FNIP2: variants seen among roughly 807,000 people sequenced by gnomAD.
FNIP2 encodes folliculin-interacting protein 2.
In FNIP2, 32 loss-of-function variants were observed where a neutral mutation model predicts 108.7. The observed-to-expected ratio is 0.29, with a 90% CI of 0.22 to 0.40. FNIP2 has a LOEUF of 0.40. Among genes scored for constraint, FNIP2 ranks in the 10% least tolerant of loss-of-function variants. FNIP2 has a pLI of 1.00. For synonymous variants in FNIP2, 480 were observed against 496.7 expected, an observed-to-expected ratio of 0.97 and a Z score of 0.45; for missense variants, 1,202 against 1,381.6, an observed-to-expected ratio of 0.87 and a Z score of 2.06.
intron 3 of FNIP2, among the ~76,000 whole-genome samples, chr4:158,830,200 T>C (rs1417036157): frequency 2.0e-5 from 3 of 151,156 alleles, no homozygotes; most frequent in Admixed American, 6.6e-5. Flanking sequence ...GTTTGAGCTA[T>C]AACGAGAGAG....
In FNIP2 at chr4:158,825,938, C is replaced by T. The variant is rs1466937414; in HGVS notation, c.130C>T (p.Leu44=). The T allele has an allele frequency of 1.2e-6, 2 of 1,607,914 alleles. No homozygotes were observed. The highest frequency in any genetic ancestry group is 1.1e-5 in the South Asian group (1 of 91,004). ...AFSWSCSEFD[L]NEIRLIVYQD... is the part of the protein sequence containing the mutation. Reference sequence around the variant, plus strand: ...CAGTTGGTCATGTTCGGAGTTTGACCTGAATGAGATTCGCCTGATAGTTTA... The same window carrying T: ...CAGTTGGTCATGTTCGGAGTTTGACTTGAATGAGATTCGCCTGATAGTTTA... The change falls in exon 2 of 17, where the codon CTG becomes TTG. Residue 44 remains leucine, a synonymous_variant. Transcript: ENST00000264433.
At chr4:158,891,766 C>T in intron 15 of FNIP2, 120 bp downstream of exon 15, 1 of 946,484 alleles carries the variant, frequency 1.1e-6, no homozygotes, top group Non-Finnish European at 1.6e-6. Flanking sequence ...ATTAGCATAA[C>T]TAAAACTAGA....
intron 5 of FNIP2, 46 bp downstream of exon 5, chr4:158,832,184 G>T (rs1309376457): frequency 6.8e-7 from 1 of 1,471,302 alleles, no homozygotes; most frequent in East Asian, 2.3e-5. Context: ...TTTAAAGTGT[G>T]TATTTCTAGA....
chr4:158,832,091 T>C lies in FNIP2; in HGVS notation c.507T>C (p.Ser169=). 6.2e-7 allele frequency: 1 copy of C among 1,613,918 alleles called. No individual in the cohort carries two copies. The highest frequency in any genetic ancestry group is 1.1e-5 in the South Asian group (1 of 91,074). ...YIRSPPQLMI[S]KVFSARMGSF... is the part of the protein sequence containing the mutation. ...GTTCTCCTCCACAACTGATGATTAG[T>C]AAAGTCTTCTCTGCTAGAATGGGCA... The change falls in exon 5 of 17, where the codon AGT becomes AGC. Residue 169 remains serine (S), a synonymous_variant. Coordinates refer to ENST00000264433, the MANE Select transcript of FNIP2 (RefSeq NM_020840.3).
In FNIP2 at chr4:158,870,353, C is replaced by A; in HGVS notation, c.2833C>A (p.Arg945Ser). The change falls in exon 14 of 17, where the codon CGC becomes AGC. Residue 945 changes from arginine (R) to serine (S), a missense_variant. Arg to Ser is a moderately radical substitution (Grantham distance 110, BLOSUM62 -1). Transcript: ENST00000264433. ...CACCCAGAATGTAAGGAACTTTGGC[C>A]GCTCACTTCTGGCGGGCTACTGCCC... ...ISTQNVRNFG[R>S]SLLAGYCPTY... 1 of 1,613,944 alleles carries A rather than the reference C, an allele frequency of 6.2e-7. No homozygotes were observed. Among genetic ancestry groups the A allele is most frequent in the East Asian group, 2.2e-5 (1 of 44,872 alleles).
At position 158,833,644 on chromosome 4, in the gene FNIP2, C is replaced by T. The variant is rs768174981; in HGVS notation, c.655+16C>T. 5.0e-6 allele frequency: 8 copies of T among 1,585,694 alleles called. No individual in the cohort carries two copies. Among genetic ancestry groups the T allele is most frequent in the Non-Finnish European group, 5.2e-6 (6 of 1,154,810 alleles). On this transcript the variant is annotated intron_variant, in intron 6 of 16. Coordinates refer to ENST00000264433, the MANE Select transcript of FNIP2 (RefSeq NM_020840.3). ...AGTAACCTAGGTAAAATCAGAGATA[C>T]AAACAAATTCTTTCTTTCTGAATAC...
At chr4:158,901,128 A>ATTTTTT (rs140017298) in intron 16 of FNIP2, among the ~76,000 whole-genome samples, 13 of 112,292 alleles carry the variant, frequency 1.2e-4, no homozygotes, top group Non-Finnish European at 1.9e-4. Flanking sequence ...CTGGGTTGAA[A>ATTTTTT]TTTTTTTTTT....
intron 1 of FNIP2, among the ~76,000 whole-genome samples, chr4:158,788,831 T>A (rs1776308133): frequency 6.6e-6 from 1 of 152,254 alleles, no homozygotes; most frequent in African/African-American, 2.4e-5. Context: ...CCTGGCACTT[T>A]GTTTTGTTGG....
At chr4:158,903,497 CCTT>C (rs1729539861) in intron 16 of FNIP2, among the ~76,000 whole-genome samples, 1 of 152,184 alleles carries the variant, frequency 6.6e-6, no homozygotes, top group Admixed American at 6.5e-5. Context: ...CATCCTTGAC[CCTT>C]ACAGGTGTGC....
At chr4:158,807,996 G>GAGTGACACTCAAGTTTATCTGAA (rs1207381751) in intron 1 of FNIP2, among the ~76,000 whole-genome samples, 1 of 152,174 alleles carries the variant, frequency 6.6e-6, no homozygotes, top group Non-Finnish European at 1.5e-5. Context: ...GAGAGTAACG[G>GAGTGACACTCAAGTTTATCTGAA]AGTGACACTC....
chr4:158,780,903 C>T (rs1776019866), intron 1 of FNIP2, among the ~76,000 whole-genome samples: 2 of 151,992 alleles, frequency 1.3e-5, no homozygotes, highest in African/African-American at 2.4e-5. Context: ...GGTGTGGTGG[C>T]GTGCACCTGT....
chr4:158,871,848 C>T (rs1415066984), intron 14 of FNIP2: 31 of 985,178 alleles, frequency 3.1e-5, no homozygotes, highest in Non-Finnish European at 3.7e-5. Flanking sequence ...AAGAAAAATG[C>T]CCTCATTGTA....
At chr4:158,847,355 T>C (rs185296272) in intron 7 of FNIP2, among the ~76,000 whole-genome samples, 12 of 152,158 alleles carry the variant, frequency 7.9e-5, no homozygotes, top group Admixed American at 6.5e-4. Context: ...TTTCTTCCAC[T>C]TGGAGAGGAG....
At chr4:158,775,380 C>T (rs745769666) in intron 1 of FNIP2, among the ~76,000 whole-genome samples, 1 of 152,094 alleles carries the variant, frequency 6.6e-6, no homozygotes, top group Non-Finnish European at 1.5e-5. Flanking sequence ...TCCTACTTAC[C>T]AAGCATTCTT....
chr4:158,871,564 C>G (rs913416538), intron 14 of FNIP2: 1 of 985,174 alleles, frequency 1.0e-6, no homozygotes, highest in Admixed American at 6.1e-5. Flanking sequence ...TCAACATAAC[C>G]TCCCTCAATG....
intron 1 of FNIP2, among the ~76,000 whole-genome samples, chr4:158,813,808 T>C (rs1008338274): frequency 1.3e-5 from 2 of 152,236 alleles, no homozygotes; most frequent in Admixed American, 6.5e-5. Flanking sequence ...TTTGTAGTTT[T>C]GCTTTTTACA....
intron 14 of FNIP2, among the ~76,000 whole-genome samples, chr4:158,875,542 G>T (rs61018784): frequency 1.0e-4 from 3 of 29,340 alleles, no homozygotes; most frequent in Non-Finnish European, 1.6e-4. Context: ...ATATATATAT[G>T]CTCATGAATA....
At chr4:158,882,395 C>A (rs1005497630) in intron 14 of FNIP2, among the ~76,000 whole-genome samples, 1 of 151,590 alleles carries the variant, frequency 6.6e-6, no homozygotes, top group Non-Finnish European at 1.5e-5. Flanking sequence ...GCGCCTCCGC[C>A]CGGCCACCAC....
rs143594252 is a variant in FNIP2, at chr4:158,849,605, G to A, written c.728-1716G>A. ...AGGAACTAGGGGGCAGGACAGAAAC[G>A]TCTAATTAGGATGTTTTATTAAGTA... is the stretch of plus-strand genomic sequence containing the variant. On this transcript the variant is annotated intron_variant, in intron 7 of 16. Coordinates refer to ENST00000264433, the MANE Select transcript of FNIP2 (RefSeq NM_020840.3). 2.5e-3 allele frequency among the ~76,000 whole-genome samples: 380 copies of A among 152,200 alleles called. 1 individual carries two copies. The highest frequency in any genetic ancestry group is 8.3e-3 in the African/African-American group (345 of 41,502).
Sources: gnomAD v4.1 joint callset for allele counts (sites outside exome capture counted in the v4.1 genomes callset) on GRCh38, gnomAD v4.1.1 for gene constraint, MANE v1.5 for transcripts, NCBI Gene and HGNC (gene_info 2026-07-23, HGNC 2026-07-21) for gene names.